Variants in CAPS2 observed in about 807,000 individuals in gnomAD.
The protein encoded by CAPS2 is calcyphosine 2.
In CAPS2, 98 loss-of-function variants were observed where a neutral mutation model predicts 86.5. The ratio of observed to expected loss-of-function variants is 1.13; its 90% CI spans 0.96 to 1.34. CAPS2 has a LOEUF of 1.34. Ranked by LOEUF, CAPS2 falls within the 40% of genes most tolerant of loss-of-function variation. CAPS2 has a pLI of 0.00. For missense variants in CAPS2, 729 were observed against 686.8 expected (o/e 1.06, Z -0.69); for synonymous variants, 210 against 225.1 (o/e 0.93, Z 0.60).
chr12:75,358,477 T>A (rs74108721), intron 1 of CAPS2, among the ~76,000 whole-genome samples: 1 of 151,202 alleles, frequency 6.6e-6, no homozygotes, highest in Non-Finnish European at 1.5e-5. Context: ...ATTATCTCAA[T>A]AGATTCAGAA....
At chr12:75,339,094 C>T (rs1016031551) in intron 1 of CAPS2, among the ~76,000 whole-genome samples, 5 of 152,222 alleles carry the variant, frequency 3.3e-5, no homozygotes, top group African/African-American at 9.6e-5. Context: ...ATAGAATGAT[C>T]TATATTCCTT....
intron 1 of CAPS2, among the ~76,000 whole-genome samples, chr12:75,355,726 C>A (rs1004928804): frequency 2.0e-5 from 3 of 152,052 alleles, no homozygotes; most frequent in Non-Finnish European, 4.4e-5. Context: ...TGGAATCAAC[C>A]TAAATGCCCA....
chr12:75,388,874 G>A (rs1321413729), intron 1 of CAPS2, among the ~76,000 whole-genome samples: 2 of 152,122 alleles, frequency 1.3e-5, no homozygotes, highest in Admixed American at 6.5e-5. Flanking sequence ...GGGAGTTTAT[G>A]TATGTGTGGG....
chr12:75,321,364 A>G (rs2040279176), intron 5 of CAPS2, 36 bp downstream of exon 5: 1 of 1,348,984 alleles, frequency 7.4e-7, no homozygotes, highest in Non-Finnish European at 1.0e-6. Flanking sequence ...GTTTTCTTTA[A>G]ATGTCATTAG....
intron 1 of CAPS2, chr12:75,369,879 A>G: frequency 7.4e-7 from 1 of 1,343,064 alleles, no homozygotes; most frequent in Admixed American, 3.1e-5. Context: ...TGATTGTCTT[A>G]TTCTAAAAGC....
Position 75,312,905 on chromosome 12 carries a change from GC to G in CAPS2, c.601del (p.Ala201LeufsTer13), listed in dbSNP as rs1382035888. On this transcript the variant is annotated frameshift_variant, in exon 7 of 17. Coordinates refer to ENST00000393284, the Ensembl canonical transcript of CAPS2. LOFTEE classifies it high-confidence loss of function. ...AACAATCTGTTTCTTCTTCTCTGCA[GC>G]CACAATTTCCTGGGAAGATTAAATA... The G allele has an allele frequency of 1.9e-6, 3 of 1,603,100 alleles. No homozygotes were observed. The highest frequency in any genetic ancestry group is 2.6e-6 in the Non-Finnish European group (3 of 1,170,918).
chr12:75,296,608 C>G (rs573838435), intron 11 of CAPS2, among the ~76,000 whole-genome samples: 3 of 152,230 alleles, frequency 2.0e-5, no homozygotes, highest in Middle Eastern at 3.4e-3. Flanking sequence ...CACTTTTATG[C>G]AGGTGCATCT....
intron 11 of CAPS2, chr12:75,298,094 A>G (rs774402691): frequency 6.6e-6 from 1 of 152,428 alleles, no homozygotes; most frequent in Non-Finnish European, 1.5e-5. Context: ...CTGAATGATC[A>G]CTGTGGATAG....
chr12:75,371,791 CAT>C (rs1170563829), intron 1 of CAPS2, among the ~76,000 whole-genome samples: 1 of 152,124 alleles, frequency 6.6e-6, no homozygotes, highest in Non-Finnish European at 1.5e-5. Flanking sequence ...CATGCACAAA[CAT>C]ATTCTTAACA....
chr12:75,282,361 T>C lies in CAPS2; in HGVS notation c.1516-14A>G. On this transcript the variant is annotated splice_polypyrimidine_tract_variant and intron_variant, in intron 15 of 16. Transcript: ENST00000393284. ...TTTCATAAAGGCCTAAACAGACAAATATTATTATTATTAGTTTGTTGGTTG... is the reference window on the plus strand; with the variant it reads ...TTTCATAAAGGCCTAAACAGACAAACATTATTATTATTAGTTTGTTGGTTG... 1 of 1,444,572 alleles carries C rather than the reference T, an allele frequency of 6.9e-7. No homozygotes were observed. 89.5% of individuals were successfully genotyped at this position (1,444,572 alleles called of 1,614,324 possible).
intron 15 of CAPS2, among the ~76,000 whole-genome samples, chr12:75,283,108 C>G (rs1279320549): frequency 1.3e-5 from 2 of 152,116 alleles, no homozygotes; most frequent in African/African-American, 4.8e-5. Context: ...AGTGAAATAC[C>G]TTTTAAATGA....
At chr12:75,366,752 G>T (rs1196667291) in intron 1 of CAPS2, 14 of 629,264 alleles carry the variant, frequency 2.2e-5, no homozygotes, top group Non-Finnish European at 3.7e-5. Flanking sequence ...TTACCAATGA[G>T]TCATTTCCAC....
chr12:75,300,052 T>C, intron 8 of CAPS2, 141 bp from the exon 9 acceptor site: 2 of 434,184 alleles, frequency 4.6e-6, no homozygotes, highest in Non-Finnish European at 8.4e-6. Flanking sequence ...AACTCTTTTT[T>C]TCAGATTGCT....
chr12:75,358,804 TTA>T (rs1262728183), intron 1 of CAPS2, among the ~76,000 whole-genome samples: 7 of 144,372 alleles, frequency 4.8e-5, no homozygotes, highest in Non-Finnish European at 7.6e-5. Flanking sequence ...ATATAATATA[TTA>T]TATATGTTTA....
chr12:75,390,005 T>C (rs866319000), intron 1 of CAPS2, among the ~76,000 whole-genome samples: 1 of 152,204 alleles, frequency 6.6e-6, no homozygotes, highest in South Asian at 2.1e-4. Context: ...TCACAGACAA[T>C]TTTTAAAAGC....
At chr12:75,314,077 G>A (rs1456524230) in intron 6 of CAPS2, among the ~76,000 whole-genome samples, 2 of 151,942 alleles carry the variant, frequency 1.3e-5, no homozygotes, top group Non-Finnish European at 1.5e-5. Flanking sequence ...ATGCCACCAC[G>A]GCTGGTTAAC....
chr12:75,357,332 T>A (rs1246655013), intron 1 of CAPS2, among the ~76,000 whole-genome samples: 1 of 152,196 alleles, frequency 6.6e-6, no homozygotes, highest in Admixed American at 6.6e-5. Flanking sequence ...TCCTACATGT[T>A]AAGCAGCTAA....
intron 1 of CAPS2, chr12:75,360,833 G>GATAT (rs2043532571): frequency 6.6e-6 from 1 of 152,142 alleles, no homozygotes; most frequent in African/African-American, 2.4e-5. Context: ...TGCCCCTGTA[G>GATAT]CAGACTTCTG....
At chr12:75,285,753 C>T (rs773834408) in intron 14 of CAPS2, among the ~76,000 whole-genome samples, 1 of 151,958 alleles carries the variant, frequency 6.6e-6, no homozygotes, top group Middle Eastern at 3.4e-3. Context: ...CAGTTTTGAA[C>T]ATTTAAATAC....
Sources: gnomAD v4.1 joint callset for allele counts (sites outside exome capture counted in the v4.1 genomes callset) on GRCh38, gnomAD v4.1.1 for gene constraint, MANE v1.5 for transcripts, NCBI Gene and HGNC (gene_info 2026-07-23, HGNC 2026-07-21) for gene names.